Variants in TIAM1 observed in about 807,000 individuals in gnomAD.
TIAM1 encodes the protein TIAM Rac1 associated GEF 1, also known as rho guanine nucleotide exchange factor TIAM1.
A neutral mutation model predicts 163.5 loss-of-function variants in TIAM1; 65 were observed. The ratio of observed to expected loss-of-function variants is 0.40; its 90% CI spans 0.33 to 0.49. The LOEUF is 0.49. Ranked by LOEUF, TIAM1 falls within the 20% of genes least tolerant of loss-of-function variation. The pLI, the probability that TIAM1 is intolerant of heterozygous loss-of-function variation, is 0.77. For missense variants in TIAM1, 1,789 were observed against 2,044.7 expected (o/e 0.87, Z 2.41); for synonymous variants, 833 against 810.1 (o/e 1.03, Z -0.48).
At chr21:31,144,249 T>TTCC (rs2082996925) in intron 20 of TIAM1, among the ~76,000 whole-genome samples, 2 of 152,206 alleles carry the variant, frequency 1.3e-5, no homozygotes, top group African/African-American at 4.8e-5. Flanking sequence ...GGGGCCAGCA[T>TTCC]ATGTGGAACT....
intron 6 of TIAM1, among the ~76,000 whole-genome samples, chr21:31,241,019 T>A (rs2071144541): frequency 6.6e-6 from 1 of 152,094 alleles, no homozygotes; most frequent in Non-Finnish European, 1.5e-5. Flanking sequence ...AATCTGATGG[T>A]TTTATAAAGG....
chr21:31,479,571 T>C (rs2046045817), intron 1 of TIAM1, among the ~76,000 whole-genome samples: 2 of 152,156 alleles, frequency 1.3e-5, no homozygotes, highest in Non-Finnish European at 2.9e-5. Flanking sequence ...CCAGTTGATA[T>C]CATGCTGATA....
intron 17 of TIAM1, among the ~76,000 whole-genome samples, chr21:31,153,929 T>G (rs149965027): frequency 5.3e-5 from 8 of 151,524 alleles, no homozygotes; most frequent in African/African-American, 1.7e-4. Context: ...CTGGGCATGG[T>G]GGCATGCACC....
At chr21:31,262,828 T>G (rs1249657642) in intron 4 of TIAM1, among the ~76,000 whole-genome samples, 3 of 152,180 alleles carry the variant, frequency 2.0e-5, no homozygotes, top group African/African-American at 7.2e-5. Context: ...GTAAAATTGC[T>G]GACAGGATGA....
intron 1 of TIAM1, among the ~76,000 whole-genome samples, chr21:31,515,560 A>G (rs1422981933): frequency 4.6e-5 from 7 of 152,252 alleles, no homozygotes; most frequent in Admixed American, 1.3e-4. Flanking sequence ...GGCACCCTAT[A>G]AACACCCAAT....
At chr21:31,268,862 C>CTTTATT (rs1369106821) in intron 3 of TIAM1, among the ~76,000 whole-genome samples, 1 of 152,112 alleles carries the variant, frequency 6.6e-6, no homozygotes, top group Non-Finnish European at 1.5e-5. Context: ...CCTTGGAGTT[C>CTTTATT]TTTATTTTTT....
At position 31,406,267 on chromosome 21, in the gene TIAM1, TTTTGAGAAC is replaced by T. The variant is rs2077246094; in HGVS notation, c.-369+57707_-369+57715del. On this transcript the variant is annotated intron_variant, in intron 2 of 28. Coordinates refer to the TIAM1 transcript ENST00000286827. ...CAGACATCATTATAATTTATTAAAC[TTTTGAGAAC>T]TTTAATACTAGGCCTATAGAGCAAT... 2.6e-5 allele frequency among the ~76,000 whole-genome samples: 4 copies of T among 152,134 alleles called. No individual in the cohort carries two copies. The South Asian group carries it at 8.3e-4, about 32-fold the overall frequency.
chr21:31,126,545 C>T (rs945674919), intron 26 of TIAM1, among the ~76,000 whole-genome samples: 5 of 151,496 alleles, frequency 3.3e-5, no homozygotes, highest in East Asian at 3.9e-4. Context: ...CCAGCCTGGG[C>T]GACAGAGCAA....
chr21:31,432,356 C>T (rs2044071157), intron 2 of TIAM1, among the ~76,000 whole-genome samples: 1 of 152,124 alleles, frequency 6.6e-6, no homozygotes, highest in African/African-American at 2.4e-5. Flanking sequence ...GCCTCAGGCT[C>T]CCAAAGTGCT....
Position 31,130,205 on chromosome 21 carries a change from G to A in TIAM1, c.4045+8C>T. The A allele has an allele frequency of 6.2e-7, 1 of 1,612,520 alleles. No individual in the cohort carries two copies. The highest frequency in any genetic ancestry group is 1.3e-5 in the African/African-American group (1 of 74,964). ...TGTGTGAAATACCCAGCACAGGTGA[G>A]AGTTTACCTGCACTCGCCAAAGCTC... On this transcript the variant is annotated splice_region_variant and intron_variant, in intron 25 of 27. Transcript: ENST00000541036.
chr21:31,470,397 G>T (rs546462921), intron 1 of TIAM1, among the ~76,000 whole-genome samples: 1 of 151,900 alleles, frequency 6.6e-6, no homozygotes, highest in African/African-American at 2.4e-5. Context: ...GCAGTGGCAC[G>T]ATCTCGGCTC....
intron 19 of TIAM1, among the ~76,000 whole-genome samples, chr21:31,147,374 A>G (rs1179307336): frequency 6.6e-6 from 1 of 152,096 alleles, no homozygotes; most frequent in Non-Finnish European, 1.5e-5. Context: ...AACTAAATAA[A>G]GGCAGGAAAT....
intron 17 of TIAM1, 148 bp downstream of exon 17, chr21:31,154,099 C>T: frequency 1.1e-6 from 1 of 882,438 alleles, no homozygotes; most frequent in East Asian, 2.7e-5. Context: ...AAGCTTTTAA[C>T]ATTCAGAGTA....
chr21:31,464,680 T>C (rs1475172676), intron 1 of TIAM1, among the ~76,000 whole-genome samples: 1 of 151,778 alleles, frequency 6.6e-6, no homozygotes, highest in African/African-American at 2.4e-5. Flanking sequence ...CTGTCTCTAC[T>C]AAAGATACAA....
intron 2 of TIAM1, among the ~76,000 whole-genome samples, chr21:31,307,305 G>T (rs2074749986): frequency 1.3e-5 from 2 of 152,182 alleles, no homozygotes; most frequent in Admixed American, 6.5e-5. Flanking sequence ...CCAGCAGGTT[G>T]TGCAAATTCA....
intron 2 of TIAM1, among the ~76,000 whole-genome samples, chr21:31,325,682 A>G (rs1015090669): frequency 6.6e-6 from 1 of 151,742 alleles, no homozygotes. Flanking sequence ...AAAAAAAAAA[A>G]GAATGTATAC....
upstream of TIAM1, among the ~76,000 whole-genome samples, chr21:31,345,118 A>C (rs1372430956): frequency 6.6e-6 from 1 of 152,226 alleles, no homozygotes; most frequent in Non-Finnish European, 1.5e-5. Context: ...GAATGAAAGA[A>C]ATCACAAAAG....
chr21:31,503,231 C>A (rs1405151422), intron 1 of TIAM1, among the ~76,000 whole-genome samples: 1 of 151,418 alleles, frequency 6.6e-6, no homozygotes, highest in Non-Finnish European at 1.5e-5. Context: ...CCCGTCTCTA[C>A]TAAAAATAAA....
chr21:31,525,416 C>T (rs141835126), intron 1 of TIAM1, among the ~76,000 whole-genome samples: 1 of 151,616 alleles, frequency 6.6e-6, no homozygotes, highest in African/African-American at 2.4e-5. Flanking sequence ...AGAGCGAGAA[C>T]TCGCTCCTTG....
Sources: allele counts gnomAD v4.1 joint callset (sites outside exome capture counted in the v4.1 genomes callset), GRCh38; gene constraint gnomAD v4.1.1; transcripts MANE v1.5; gene names NCBI Gene and HGNC (gene_info 2026-07-23, HGNC 2026-07-21).